The following UBXN7 variants were observed in gnomAD, a reference collection of about 807,000 sequenced individuals.
The protein encoded by UBXN7 is UBX domain-containing protein 7.
In UBXN7, 9 loss-of-function variants were observed where a neutral mutation model predicts 58.0. That is an observed-to-expected ratio of 0.16 (90% CI 0.09 to 0.27). The LOEUF is 0.27. Ranked by LOEUF, UBXN7 falls within the 10% of genes least tolerant of loss-of-function variation. The probability of loss-of-function intolerance (pLI) is 1.00; values close to 1 mark genes in which losing one functional copy is unlikely to be tolerated. For synonymous variants in UBXN7, 208 were observed against 205.0 expected (o/e 1.01, Z -0.12); for missense variants, 328 against 599.6 (o/e 0.55, Z 4.73).
At chr3:196,374,739 G>A in intron 5 of UBXN7, among the ~76,000 whole-genome samples, 1 of 148,988 alleles carries the variant, frequency 6.7e-6, no homozygotes, top group East Asian at 2.0e-4. Flanking sequence ...AATTAGCCAG[G>A]CATGGTGGTG....
rs552605045 is a variant in UBXN7 at position 196,420,541 on chromosome 3, A to T, written c.73+11786T>A. Among the ~76,000 whole-genome samples, 1,244 of 152,038 alleles carry T rather than the reference A, an allele frequency of 8.2e-3. 12 individuals are homozygous for T. The highest frequency in any genetic ancestry group is 0.029 in the African/African-American group (1,197 of 41,388). On this transcript the variant is annotated intron_variant, in intron 1 of 10. Transcript: ENST00000296328. ...GCGAGACTCCATCTCAAAAAAAAAA[A>T]AAAATTAAATTAAATTAAAAAACGG...
chr3:196,413,356 G>T (rs185507100), intron 1 of UBXN7, among the ~76,000 whole-genome samples: 48 of 152,158 alleles, frequency 3.2e-4, no homozygotes, highest in African/African-American at 1.2e-3. Context: ...AGGTTAAAAT[G>T]ATAAATTTTG....
chr3:196,356,938 A>G, intron 10 of UBXN7, 92 bp from the exon 11 acceptor site: 2 of 1,426,990 alleles, frequency 1.4e-6, no homozygotes, highest in Non-Finnish European at 1.9e-6. Flanking sequence ...CTTTTTAATC[A>G]TATTAGATCA....
At position 196,355,574 on chromosome 3, in the gene UBXN7, G is replaced by C. The variant is rs962983241; in HGVS notation, c.*1111C>G. ...TACCTTTTGAAAGAAAACAGCATGC[G>C]GACTCATGTTCAATTCAGTCACCAG... On this transcript the variant is annotated 3_prime_UTR_variant, in exon 11 of 11. Transcript: ENST00000296328. The C allele has an allele frequency of 6.6e-6, 1 of 152,062 alleles. No homozygotes were observed. The highest frequency in any genetic ancestry group is 6.6e-5 in the Admixed American group (1 of 15,244). The allele number at this position is 152,062 out of a possible 1,614,324, so 9.4% of individuals were successfully genotyped here. A position where few individuals can be genotyped will look rare whatever the true frequency, so the allele number is the denominator to read the frequency against.
At chr3:196,390,261 T>C (rs182281205) in intron 5 of UBXN7, among the ~76,000 whole-genome samples, 2 of 151,720 alleles carry the variant, frequency 1.3e-5, no homozygotes, top group African/African-American at 4.8e-5. Flanking sequence ...GGTCTCACTA[T>C]GTTGCCCAGG....
chr3:196,430,728 T>G (rs1330791237), intron 1 of UBXN7, among the ~76,000 whole-genome samples: 1 of 152,124 alleles, frequency 6.6e-6, no homozygotes, highest in Non-Finnish European at 1.5e-5. Flanking sequence ...ATCTAAAGGA[T>G]TAATAATGAT....
chr3:196,370,851 T>A (rs1728808569), intron 6 of UBXN7, among the ~76,000 whole-genome samples: 2 of 107,432 alleles, frequency 1.9e-5, no homozygotes, highest in Admixed American at 1.2e-4. Flanking sequence ...CAGGACCCCA[T>A]CTCTACAAAA....
chr3:196,390,335 A>G (rs1729543421), intron 5 of UBXN7, among the ~76,000 whole-genome samples: 1 of 152,140 alleles, frequency 6.6e-6, no homozygotes, highest in South Asian at 2.1e-4. Flanking sequence ...TCCTGAACTC[A>G]AGGGATCCTC....
chr3:196,376,545 CAAAAAAAAAA>C (rs777458391), intron 5 of UBXN7, among the ~76,000 whole-genome samples: 13 of 50,930 alleles, frequency 2.6e-4, no homozygotes, highest in African/African-American at 4.2e-4. Flanking sequence ...GACTCTGTCT[CAAAAAAAAAA>C]AAAAAAAAAA....
At position 196,412,230 on chromosome 3, in the gene UBXN7, CAAAAAAAA is replaced by C. The variant is rs55746914; in HGVS notation, c.74-4845_74-4838del. On this transcript the variant is annotated intron_variant, in intron 1 of 10. Coordinates refer to ENST00000296328, the MANE Select transcript of UBXN7 (RefSeq NM_015562.2). Reference sequence around the variant, plus strand: ...TGGGTGACAGAGCGAGACTTTGTCTCAAAAAAAAAAAAAAAAAAAGAAAAAAGAAAAAA... The same window carrying C: ...TGGGTGACAGAGCGAGACTTTGTCTCAAAAAAAAAAAGAAAAAAGAAAAAA... 1.2e-3 allele frequency among the ~76,000 whole-genome samples: 109 copies of C among 89,090 alleles called. 1 individual carries two copies. Among genetic ancestry groups the C allele is most frequent in the African/African-American group, 4.7e-3 (95 of 20,300 alleles). The allele number at this position is 89,090 out of a possible 152,430, so 58.4% of individuals were successfully genotyped here. A position where few individuals can be genotyped will look rare whatever the true frequency, so the allele number is the denominator to read the frequency against.
rs1051973918 is a variant in UBXN7, at chr3:196,354,252, T to A, written c.*2433A>T. Reference sequence around the variant, plus strand: ...ATGCTGTCTTTTAAATCACTTTATATCTACTTAATCATCCCACAGTAACCC... The same window carrying A: ...ATGCTGTCTTTTAAATCACTTTATAACTACTTAATCATCCCACAGTAACCC... On this transcript the variant is annotated 3_prime_UTR_variant, in exon 11 of 11. Transcript: ENST00000296328. 1.3e-5 allele frequency: 2 copies of A among 152,208 alleles called. No homozygotes were observed. The highest frequency in any genetic ancestry group is 2.9e-5 in the Non-Finnish European group (2 of 68,052). 9.4% of individuals were successfully genotyped at this position (152,208 alleles called of 1,614,324 possible).
At chr3:196,361,580 C>A (rs1353034184) in intron 10 of UBXN7, among the ~76,000 whole-genome samples, 4 of 152,190 alleles carry the variant, frequency 2.6e-5, no homozygotes, top group Non-Finnish European at 5.9e-5. Flanking sequence ...GTACCCATCA[C>A]CCCAATCAGT....
chr3:196,376,909 G>A (rs1236395379), intron 5 of UBXN7, among the ~76,000 whole-genome samples: 1 of 151,970 alleles, frequency 6.6e-6, no homozygotes, highest in Non-Finnish European at 1.5e-5. Context: ...AGCCAGGCAT[G>A]GTGGCACACG....
rs546239987 is a variant in UBXN7 at position 196,410,562 on chromosome 3, G to A, written c.74-3169C>T. Among the ~76,000 whole-genome samples the A allele has an allele frequency of 1.6e-4, 25 of 152,118 alleles. No homozygotes were observed. In the South Asian group the frequency reaches 1.7e-3, roughly 10 times the overall value. Reference sequence around the variant, plus strand: ...ATGGCAGCCAGGCACGGAGGCTCACGCCTATAATCCCAGCACTTTGGGAGG... The same window carrying A: ...ATGGCAGCCAGGCACGGAGGCTCACACCTATAATCCCAGCACTTTGGGAGG... On this transcript the variant is annotated intron_variant, in intron 1 of 10. Coordinates refer to ENST00000296328, the MANE Select transcript of UBXN7 (RefSeq NM_015562.2).
chr3:196,412,523 G>A (rs1378490829), intron 1 of UBXN7, among the ~76,000 whole-genome samples: 2 of 152,128 alleles, frequency 1.3e-5, no homozygotes, highest in Admixed American at 6.6e-5. Flanking sequence ...AAACTATGGA[G>A]ATTCCTCAAA....
chr3:196,427,823 A>G (rs895713904), intron 1 of UBXN7, among the ~76,000 whole-genome samples: 1 of 152,218 alleles, frequency 6.6e-6, no homozygotes, highest in Non-Finnish European at 1.5e-5. Flanking sequence ...GTAGCTTTAA[A>G]TGACACAGAA....
intron 9 of UBXN7, 91 bp from the exon 10 acceptor site, chr3:196,362,014 C>T (rs1253145812): frequency 3.9e-6 from 5 of 1,272,474 alleles, no homozygotes; most frequent in Non-Finnish European, 5.5e-6. Context: ...TAAATACAGC[C>T]ATTCAGCAAT....
chr3:196,384,674 A>G (rs1020339029), intron 5 of UBXN7, among the ~76,000 whole-genome samples: 1 of 152,196 alleles, frequency 6.6e-6, no homozygotes, highest in Non-Finnish European at 1.5e-5. Flanking sequence ...ATAATCCATC[A>G]TATCAACAGA....
At position 196,352,730 on chromosome 3, in the gene UBXN7, A is replaced by AT. The variant is rs1728244693; in HGVS notation, c.*3954dup. On this transcript the variant is annotated 3_prime_UTR_variant, in exon 11 of 11. Coordinates refer to ENST00000296328, the MANE Select transcript of UBXN7 (RefSeq NM_015562.2). The surrounding 1 kb of genome is among the most constrained non-coding windows in gnomAD (Gnocchi z 4.1). ...AATTGTAGATCGGGCGCAGTGGCTC[A>AT]TGCCTGTAATCCCAGCACTTTAGGA... 1.3e-5 allele frequency: 2 copies of AT among 151,528 alleles called. No homozygotes were observed. The highest frequency in any genetic ancestry group is 4.2e-4 in the South Asian group (2 of 4,714). 9.4% of individuals were successfully genotyped at this position (151,528 alleles called of 1,614,324 possible).
Sources: allele counts gnomAD v4.1 joint callset (sites outside exome capture counted in the v4.1 genomes callset), GRCh38; gene constraint gnomAD v4.1.1; non-coding constraint Gnocchi (gnomAD v3.1); transcripts MANE v1.5; gene names NCBI Gene and HGNC (gene_info 2026-07-23, HGNC 2026-07-21).